The following FGF13 variants were observed in gnomAD, a reference collection of about 807,000 sequenced individuals.
FGF13 encodes fibroblast growth factor 13.
FGF13 carries 2 observed loss-of-function variants against 19.5 expected under a neutral mutation model. That is an observed-to-expected ratio of 0.10 (90% CI 0.04 to 0.32). FGF13 has a LOEUF of 0.32. Ranked by LOEUF, FGF13 falls within the 10% of genes least tolerant of loss-of-function variation. The probability of loss-of-function intolerance (pLI) is 1.00; values close to 1 mark genes in which losing one functional copy is unlikely to be tolerated. For synonymous variants in FGF13, 72 were observed against 76.9 expected (o/e 0.94, Z 0.33); for missense variants, 113 against 192.7 (o/e 0.59, Z 2.45).
At chrX:138,862,004 A>C (rs1466008490) in intron 2 of FGF13, among the ~76,000 whole-genome samples, 1 of 112,049 alleles carries the variant, frequency 8.9e-6, no homozygotes, top group Non-Finnish European at 1.9e-5. Context: ...CGCCATCTCA[A>C]AAAAATTAAA....
At position 138,937,058 on chromosome X, in the gene FGF13, G is replaced by A. The variant is rs138267985; in HGVS notation, c.-112-72408C>T. On this transcript the variant is annotated intron_variant, in intron 1 of 2. Transcript: ENST00000421460. The stretch of plus-strand genomic sequence containing the variant: ...TAGCTAGTATGACAAAAGCAGGCCC[G>A]GACCCCCTTTCTTCTTGAGAAGAAG... Among the ~76,000 whole-genome samples the A allele has an allele frequency of 9.1e-4, 101 of 110,568 alleles. 1 individual carries two copies. The highest frequency in any genetic ancestry group is 4.7e-3 in the Middle Eastern group (1 of 214).
chrX:138,913,182 CTTTTTTTTTT>C (rs35078012), intron 1 of FGF13, among the ~76,000 whole-genome samples: 3 of 37,094 alleles, frequency 8.1e-5, no homozygotes, highest in African/African-American at 3.7e-4. Context: ...AAAGCATCTA[CTTTTTTTTTT>C]TTTTTTTTTT....
chrX:138,825,539 C>A (rs2091027776), intron 3 of FGF13, among the ~76,000 whole-genome samples: 1 of 111,077 alleles, frequency 9.0e-6, no homozygotes, highest in African/African-American at 3.3e-5. Context: ...AGCACACAGA[C>A]CCTCTGAAAA....
chrX:138,646,517 C>T (rs1472439146), intron 3 of FGF13, among the ~76,000 whole-genome samples: 1 of 111,584 alleles, frequency 9.0e-6, no homozygotes, highest in African/African-American at 3.3e-5. Flanking sequence ...ATCCCCTAGG[C>T]CGCTTCTTTT....
intron 1 of FGF13, among the ~76,000 whole-genome samples, chrX:139,174,277 A>G (rs1207620369): frequency 8.9e-6 from 1 of 112,211 alleles, no homozygotes; most frequent in African/African-American, 3.2e-5. Context: ...AATTTATTTA[A>G]GTTCCTTGTA....
chrX:138,967,780 T>C (rs138936491), intron 1 of FGF13, among the ~76,000 whole-genome samples: 1,177 of 111,677 alleles, frequency 0.011, 6 homozygotes, highest in Non-Finnish European at 0.017. Context: ...GATTTATTTA[T>C]AGCCACAGGA....
chrX:139,161,482 G>C (rs890203007), intron 1 of FGF13, among the ~76,000 whole-genome samples: 1 of 107,724 alleles, frequency 9.3e-6, no homozygotes, highest in Non-Finnish European at 2.0e-5. Flanking sequence ...AGTATGGGAA[G>C]TCTGGCCACA....
intron 1 of FGF13, among the ~76,000 whole-genome samples, chrX:139,107,504 G>A (rs961048770): frequency 2.7e-5 from 3 of 111,493 alleles, no homozygotes; most frequent in African/African-American, 9.8e-5. Context: ...TGACCTCTCA[G>A]GCCATCTGCC....
chrX:138,813,100 G>C (rs2090938379), intron 3 of FGF13, among the ~76,000 whole-genome samples: 1 of 111,852 alleles, frequency 8.9e-6, no homozygotes. Flanking sequence ...GTCTATCACT[G>C]ATGGGCATTT....
chrX:138,844,604 G>A lies in FGF13; in HGVS notation c.217+12908C>T, dbSNP rs759895574. On this transcript the variant is annotated intron_variant, in intron 3 of 6. Transcript: ENST00000436198. Reference sequence around the variant, plus strand: ...TGTATTAAATTAGCAACGATTTACCGCATTCAGCTCTACTGATCCATTCCT... The same window carrying A: ...TGTATTAAATTAGCAACGATTTACCACATTCAGCTCTACTGATCCATTCCT... Among the ~76,000 whole-genome samples, 5 of 112,127 alleles carry A rather than the reference G, an allele frequency of 4.5e-5. No homozygotes were observed. In the East Asian group the frequency reaches 1.1e-3, roughly 25 times the overall value.
At chrX:139,204,312 AGCCGCCGTC>A (rs1419763571), upstream of FGF13, 18 of 346,611 alleles carry the variant, frequency 5.2e-5, no homozygotes, top group Non-Finnish European at 7.8e-5. Context: ...GTGAAGGAGG[AGCCGCCGTC>A]GCCGCCGCCG....
At chrX:139,194,135 C>G (rs1174963938) in intron 1 of FGF13, among the ~76,000 whole-genome samples, 2 of 111,134 alleles carry the variant, frequency 1.8e-5, no homozygotes, top group Non-Finnish European at 3.8e-5. Context: ...AGTATACACA[C>G]TGAAAATGAT....
At chrX:139,097,339 G>A (rs778480599) in intron 1 of FGF13, among the ~76,000 whole-genome samples, 36 of 111,116 alleles carry the variant, frequency 3.2e-4, no homozygotes, top group Non-Finnish European at 6.2e-4. Context: ...AAAAAATCTC[G>A]TGTTTTAAGG....
At position 139,099,324 on chromosome X, in the gene FGF13, G is replaced by A. The variant is rs1415834010; in HGVS notation, c.-113+104092C>T. Among the ~76,000 whole-genome samples the A allele has an allele frequency of 3.0e-5, 3 of 100,132 alleles. No individual in the cohort carries two copies. The East Asian group carries it at 9.6e-4, about 32-fold the overall frequency. 87.0% of individuals were successfully genotyped at this position (100,132 alleles called of 115,157 possible). A position where few individuals can be genotyped will look rare whatever the true frequency, so the allele number is the denominator to read the frequency against. ...CCTGTCGAGTTGCTATCCACAACTG[G>A]TTCTGTCTGAGGCTTGTGGCTGCAG... On this transcript the variant is annotated intron_variant, in intron 1 of 2. Transcript: ENST00000421460.
chrX:139,180,199 G>A (rs1344437621), intron 1 of FGF13, among the ~76,000 whole-genome samples: 11 of 111,462 alleles, frequency 9.9e-5, no homozygotes, highest in Admixed American at 8.6e-4. Flanking sequence ...CCTCCCACAC[G>A]CACAAAATAG....
At chrX:138,809,419 T>C (rs993856551) in intron 3 of FGF13, among the ~76,000 whole-genome samples, 1 of 111,391 alleles carries the variant, frequency 9.0e-6, no homozygotes, top group Non-Finnish European at 1.9e-5. Flanking sequence ...AAACTCTCAA[T>C]AAATTAGGTA....
Position 138,897,176 on chromosome X carries a change from A to C in FGF13, c.-112-32526T>G, listed in dbSNP as rs140663762. On this transcript the variant is annotated intron_variant, in intron 1 of 2. Coordinates refer to the FGF13 transcript ENST00000421460. ...AGGTGCACACTACCATGCCCAGCTA[A>C]TTTTTGTATTTTTTGTAGAGATGGG... Among the ~76,000 whole-genome samples the C allele has an allele frequency of 1.4e-4, 15 of 110,973 alleles. No individual in the cohort carries two copies. The East Asian group carries it at 4.0e-3, about 30-fold the overall frequency.
intron 3 of FGF13, among the ~76,000 whole-genome samples, chrX:138,758,852 T>C (rs2090448065): frequency 8.9e-6 from 1 of 112,298 alleles, no homozygotes; most frequent in Admixed American, 9.5e-5. Context: ...TATTTGGCTA[T>C]TTACTAATGG....
At chrX:139,142,351 C>T (rs1398921622) in intron 1 of FGF13, among the ~76,000 whole-genome samples, 3 of 111,555 alleles carry the variant, frequency 2.7e-5, no homozygotes, top group African/African-American at 9.8e-5. Context: ...AAAAATACCA[C>T]CACATAAAAA....
Sources: gnomAD v4.1 joint callset for allele counts (sites outside exome capture counted in the v4.1 genomes callset) on GRCh38, gnomAD v4.1.1 for gene constraint, MANE v1.5 for transcripts, NCBI Gene and HGNC (gene_info 2026-07-23, HGNC 2026-07-21) for gene names.